Variants in RNF145 observed in about 807,000 individuals in gnomAD.
RNF145 encodes the protein ring finger protein 145.
In RNF145, 12 loss-of-function variants were observed where a neutral mutation model predicts 57.3. That is an observed-to-expected ratio of 0.21 (90% CI 0.13 to 0.34). RNF145 has a LOEUF of 0.34. RNF145 is among the 10% of genes least tolerant of loss of function. RNF145 has a pLI of 1.00. For missense variants in RNF145, 429 were observed against 799.0 expected, an observed-to-expected ratio of 0.54 and a Z score of 5.58; for synonymous variants, 262 against 288.3, an observed-to-expected ratio of 0.91 and a Z score of 0.92.
Position 159,175,620 on chromosome 5 carries a change from A to T in RNF145, c.621+1012T>A, listed in dbSNP as rs946777797. The stretch of plus-strand genomic sequence containing the variant: ...CCCTTCCTGCCCTGCTTCCCCATGA[A>T]GCCACTCTTCACTGACTGTAGAAAT... On this transcript the variant is annotated intron_variant, in intron 5 of 10. Coordinates refer to ENST00000424310, the MANE Select transcript of RNF145 (RefSeq NM_001199383.2). 1.3e-3 allele frequency among the ~76,000 whole-genome samples: 195 copies of T among 152,276 alleles called. 1 individual carries two copies. Among genetic ancestry groups the T allele is most frequent in the African/African-American group, 4.5e-3 (187 of 41,556 alleles).
intron 3 of RNF145, among the ~76,000 whole-genome samples, chr5:159,192,915 A>G (rs536800924): frequency 6.6e-6 from 1 of 152,248 alleles, no homozygotes; most frequent in Non-Finnish European, 1.5e-5. Context: ...CACTCTATAG[A>G]TACAATTTTT....
rs567969991 is a variant in RNF145 at position 159,161,735 on chromosome 5, T to C, written c.1270-113A>G. The C allele has an allele frequency of 7.5e-6, 5 of 664,224 alleles. No individual in the cohort carries two copies. In the South Asian group the frequency reaches 8.3e-5, roughly 11 times the overall value. 41.1% of individuals were successfully genotyped at this position (664,224 alleles called of 1,614,324 possible). Reference sequence around the variant, plus strand: ...TGTTTTTAGGGTGCAATATTTCAAATATACAGAAGAGTATCCAGGGGAAAA... The same window carrying C: ...TGTTTTTAGGGTGCAATATTTCAAACATACAGAAGAGTATCCAGGGGAAAA... On this transcript the variant is annotated intron_variant, in intron 9 of 10. Transcript: ENST00000424310.
chr5:159,209,678 C>T (rs1786046800), upstream of RNF145: 5 of 953,238 alleles, frequency 5.2e-6, no homozygotes, highest in African/African-American at 1.7e-5. Flanking sequence ...GCACCGCCTC[C>T]GGTGCGTGGG....
In RNF145 at chr5:159,200,012, A is replaced by T. The variant is rs113203500; in HGVS notation, c.184+3422T>A. On this transcript the variant is annotated intron_variant, in intron 2 of 10. Transcript: ENST00000424310. ...GGGAAAAACTCCCACTTACGATAGC[A>T]ATAAAAAAGATAAAATACCTAGAAA... Among the ~76,000 whole-genome samples the T allele has an allele frequency of 1.6e-3, 243 of 152,298 alleles. 1 individual carries two copies. Among genetic ancestry groups the T allele is most frequent in the African/African-American group, 5.5e-3 (229 of 41,566 alleles).
At chr5:159,170,542 C>T (rs1784516322) in intron 6 of RNF145, among the ~76,000 whole-genome samples, 1 of 152,114 alleles carries the variant, frequency 6.6e-6, no homozygotes, top group South Asian at 2.1e-4. Context: ...TTTATAAATA[C>T]ATGTACTATT....
chr5:159,182,376 C>T (rs545701926), intron 3 of RNF145, among the ~76,000 whole-genome samples: 3 of 152,178 alleles, frequency 2.0e-5, no homozygotes, highest in Admixed American at 1.3e-4. Context: ...CTCTACTACA[C>T]TAACCAATCA....
chr5:159,186,232 A>C (rs1384790302), intron 3 of RNF145, among the ~76,000 whole-genome samples: 1 of 152,044 alleles, frequency 6.6e-6, no homozygotes. Flanking sequence ...CTCAAAAAAG[A>C]AAGAAAGAAA....
chr5:159,187,751 G>A (rs1785129841), intron 3 of RNF145, among the ~76,000 whole-genome samples: 2 of 152,172 alleles, frequency 1.3e-5, no homozygotes, highest in African/African-American at 2.4e-5. Context: ...CTAGTGGGTA[G>A]ACAGAGTGTT....
In RNF145 at chr5:159,158,448, C is replaced by T. The variant is rs138336941; in HGVS notation, c.*222G>A. On this transcript the variant is annotated 3_prime_UTR_variant, in exon 11 of 11. Transcript: ENST00000424310. ...ACCTCTATAAAACATCAGCAGAGAA[C>T]ATATAAATACATTTTGATTAGCATA... 526 of 557,596 alleles carry T rather than the reference C, an allele frequency of 9.4e-4. 1 individual carries two copies. Among genetic ancestry groups the T allele is most frequent in the African/African-American group, 8.8e-3 (470 of 53,384 alleles). 34.5% of individuals were successfully genotyped at this position (557,596 alleles called of 1,614,324 possible). A position where few individuals can be genotyped will look rare whatever the true frequency, so the allele number is the denominator to read the frequency against.
chr5:159,161,850 A>G (rs1387461068), intron 9 of RNF145, among the ~76,000 whole-genome samples: 1 of 152,224 alleles, frequency 6.6e-6, no homozygotes, highest in Non-Finnish European at 1.5e-5. Flanking sequence ...CATAGAAAAC[A>G]AAAAGCCACA....
chr5:159,190,903 G>A (rs1785268107), intron 3 of RNF145, among the ~76,000 whole-genome samples: 1 of 151,812 alleles, frequency 6.6e-6, no homozygotes. Context: ...ATACTAAGAG[G>A]AAAATATTAA....
intron 4 of RNF145, among the ~76,000 whole-genome samples, chr5:159,181,583 G>A (rs964348029): frequency 2.0e-5 from 3 of 151,740 alleles, no homozygotes; most frequent in Non-Finnish European, 4.4e-5. Context: ...TGATGTTTCC[G>A]GACATTCATT....
intron 3 of RNF145, among the ~76,000 whole-genome samples, chr5:159,190,790 A>G (rs1213720561): frequency 6.6e-6 from 1 of 152,090 alleles, no homozygotes; most frequent in Non-Finnish European, 1.5e-5. Flanking sequence ...CAAATGTTAC[A>G]TATTCAAACA....
At chr5:159,190,804 GTATT>G (rs1785264415) in intron 3 of RNF145, among the ~76,000 whole-genome samples, 1 of 151,758 alleles carries the variant, frequency 6.6e-6, no homozygotes, top group Admixed American at 6.6e-5. Context: ...TCAAACATTG[GTATT>G]TATTAACTGT....
chr5:159,168,939 G>A lies in RNF145; in HGVS notation c.1055C>T (p.Ser352Phe), dbSNP rs1430454937. 3 of 1,607,060 alleles carry A rather than the reference G, an allele frequency of 1.9e-6. No individual in the cohort carries two copies. The highest frequency in any genetic ancestry group is 2.5e-6 in the Non-Finnish European group (3 of 1,178,120). The change falls in exon 8 of 11, where the codon TCT (serine) becomes TTT (phenylalanine). Residue 352 changes from serine (S) to phenylalanine (F), a missense_variant. By Grantham distance (155) the Ser-to-Phe change is radical. Coordinates refer to ENST00000424310, the MANE Select transcript of RNF145 (RefSeq NM_001199383.2). ...AATTTCTAACATAGACTGTAGGATA[G>A]AAGCTACGACAATGAAAAGGATAAT... is the stretch of plus-strand genomic sequence containing the variant. ...LSIILFIVVA[S>F]ILQSMLEIAD...
rs988686061 is a variant in RNF145, at chr5:159,169,958, A to C, written c.798-139T>G. On this transcript the variant is annotated intron_variant, in intron 6 of 10. Transcript: ENST00000424310. Reference sequence around the variant, plus strand: ...CTAAACCAAAATTTGAGGAGAAATCACCCAATTACTCCATTAATAATTTAA... The same window carrying C: ...CTAAACCAAAATTTGAGGAGAAATCCCCCAATTACTCCATTAATAATTTAA... The C allele has an allele frequency of 1.3e-5, 8 of 603,400 alleles. No individual in the cohort carries two copies. The African/African-American group carries it at 1.4e-4, about 10-fold the overall frequency. The allele number at this position is 603,400 out of a possible 1,614,324, so 37.4% of individuals were successfully genotyped here.
In RNF145 at chr5:159,182,054, A is replaced by G. The variant is rs1258788797; in HGVS notation, c.294-3T>C. The G allele has an allele frequency of 1.3e-6, 2 of 1,552,662 alleles. No individual in the cohort carries two copies. Among genetic ancestry groups the G allele is most frequent in the Admixed American group, 3.4e-5 (2 of 59,624 alleles). On this transcript the variant is annotated splice_region_variant and splice_polypyrimidine_tract_variant and intron_variant, in intron 3 of 10. Coordinates refer to ENST00000424310, the MANE Select transcript of RNF145 (RefSeq NM_001199383.2). The stretch of plus-strand genomic sequence containing the variant: ...CCAGTTCACTCCGAACATAGTCCCT[A>G]AATAAGAAAATTGATTAGAATGTAT...
chr5:159,158,875 T>C lies in RNF145; in HGVS notation c.1787A>G (p.His596Arg), dbSNP rs1784126189. The C allele has an allele frequency of 1.2e-6, 2 of 1,613,834 alleles. No individual in the cohort carries two copies. The highest frequency in any genetic ancestry group is 1.1e-5 in the South Asian group (1 of 91,086). ...GLGTEPVLQPHAGAEQNVMFQ... is the reference protein window; with the variant it reads ...GLGTEPVLQPRAGAEQNVMFQ... ...CATGACGTTTTGCTCAGCTCCAGCA[T>C]GAGGCTGTAGAACTGGCTCAGTTCC... The change falls in exon 11 of 11, where the codon CAT (histidine) becomes CGT (arginine). Residue 596 changes from histidine (H) to arginine (R), a missense_variant. Physicochemically the swap from His to Arg is conservative, Grantham distance 29. This residue lies in a region of RNF145 where 102 missense variants were observed against 106.2 expected (regional missense o/e 0.96). Coordinates refer to ENST00000424310, the MANE Select transcript of RNF145 (RefSeq NM_001199383.2).
intron 8 of RNF145, among the ~76,000 whole-genome samples, 191 bp from the exon 9 acceptor site, chr5:159,163,270 T>C (rs896134043): frequency 6.6e-6 from 1 of 152,182 alleles, no homozygotes; most frequent in Non-Finnish European, 1.5e-5. Flanking sequence ...GCCACCACAC[T>C]CAGTCAATTG....
Sources: allele counts gnomAD v4.1 joint callset (sites outside exome capture counted in the v4.1 genomes callset), GRCh38; gene constraint gnomAD v4.1.1; regional missense constraint gnomAD v4.1.1; transcripts MANE v1.5; gene names NCBI Gene and HGNC (gene_info 2026-07-23, HGNC 2026-07-21).